SEMA5A: variants seen among roughly 807,000 people sequenced by gnomAD.
SEMA5A encodes semaphorin 5A.
Under a neutral mutation model 135.5 loss-of-function variants are expected in SEMA5A, and 55 were observed. That is an observed-to-expected ratio of 0.41 (90% CI 0.33 to 0.51). SEMA5A has a LOEUF of 0.51. Among genes scored for constraint, SEMA5A ranks in the 20% least tolerant of loss-of-function variants. The pLI, the probability that SEMA5A is intolerant of heterozygous loss-of-function variation, is 0.37. For missense variants in SEMA5A, 1,290 were observed against 1,419.9 expected (o/e 0.91, Z 1.47); for synonymous variants, 580 against 546.5 (o/e 1.06, Z -0.85).
intron 5 of SEMA5A, among the ~76,000 whole-genome samples, chr5:9,310,707 T>G (rs965228407): frequency 2.0e-5 from 3 of 151,176 alleles, no homozygotes; most frequent in Non-Finnish European, 4.4e-5. Flanking sequence ...ATTTTTAAAT[T>G]TAATTTCATA....
At chr5:9,349,110 A>G (rs1353806525) in intron 3 of SEMA5A, among the ~76,000 whole-genome samples, 2 of 152,232 alleles carry the variant, frequency 1.3e-5, no homozygotes, top group Non-Finnish European at 2.9e-5. Context: ...CTCAGGAGAC[A>G]AGACAGGGTC....
intron 5 of SEMA5A, among the ~76,000 whole-genome samples, chr5:9,242,741 T>A (rs558627129): frequency 1.3e-5 from 2 of 152,296 alleles, no homozygotes; most frequent in East Asian, 3.9e-4. Context: ...ACCACATACC[T>A]TCTCTACCCC....
At chr5:9,234,735 T>C (rs565287142) in intron 6 of SEMA5A, among the ~76,000 whole-genome samples, 352 of 152,310 alleles carry the variant, frequency 2.3e-3, no homozygotes, top group Non-Finnish European at 3.5e-3. Context: ...AGTCAATTAA[T>C]AATTACTAAG....
chr5:9,052,599 G>A (rs762399460), intron 19 of SEMA5A, among the ~76,000 whole-genome samples: 3 of 152,122 alleles, frequency 2.0e-5, no homozygotes, highest in Non-Finnish European at 4.4e-5. Context: ...GCCAAAGTCA[G>A]GTGACCCTTG....
intron 10 of SEMA5A, among the ~76,000 whole-genome samples, chr5:9,195,121 G>A (rs40687): frequency 0.77 from 117,646 of 152,166 alleles, 45,752 homozygotes; most frequent in African/African-American, 0.87. Context: ...AAAATGAGAC[G>A]AAATATGCAT....
intron 11 of SEMA5A, among the ~76,000 whole-genome samples, chr5:9,173,725 G>A (rs965634057): frequency 6.6e-6 from 1 of 152,160 alleles, no homozygotes; most frequent in South Asian, 2.1e-4. Context: ...TTGCAAGAGG[G>A]CTGGTTAATG....
At chr5:9,398,380 C>T (rs143941381) in intron 2 of SEMA5A, among the ~76,000 whole-genome samples, 1 of 152,316 alleles carries the variant, frequency 6.6e-6, no homozygotes, top group African/African-American at 2.4e-5. Context: ...TGAGAGTTTC[C>T]CCCACATATC....
At chr5:9,400,500 C>CTTTTTTTTTTTTTTTTTTT (rs1176889691) in intron 2 of SEMA5A, among the ~76,000 whole-genome samples, 1 of 85,414 alleles carries the variant, frequency 1.2e-5, no homozygotes, top group African/African-American at 4.8e-5. Context: ...ACACAATGTA[C>CTTTTTTTTTTTTTTTTTTT]ATTTTTTTTT....
intron 2 of SEMA5A, among the ~76,000 whole-genome samples, chr5:9,409,824 A>G (rs1374257878): frequency 6.7e-6 from 1 of 149,276 alleles, no homozygotes; most frequent in East Asian, 2.0e-4. Flanking sequence ...AGATACCCAA[A>G]TCAAAGTCTC....
chr5:9,308,034 T>C (rs567736579), intron 5 of SEMA5A, among the ~76,000 whole-genome samples: 4 of 152,330 alleles, frequency 2.6e-5, no homozygotes, highest in South Asian at 2.1e-4. Context: ...ATAAAGTATG[T>C]ACTTTTTTGT....
intron 3 of SEMA5A, among the ~76,000 whole-genome samples, chr5:9,356,340 G>C (rs560290883): frequency 2.6e-5 from 4 of 152,322 alleles, no homozygotes; most frequent in Admixed American, 2.6e-4. Flanking sequence ...ACACACACAA[G>C]TGAAGAGTGT....
At chr5:9,292,068 C>A (rs1751113217) in intron 5 of SEMA5A, among the ~76,000 whole-genome samples, 1 of 152,112 alleles carries the variant, frequency 6.6e-6, no homozygotes, top group Non-Finnish European at 1.5e-5. Flanking sequence ...CTCGAGGCTA[C>A]TTTTGGTCAA....
At chr5:9,267,381 G>C (rs1217927431) in intron 5 of SEMA5A, among the ~76,000 whole-genome samples, 1 of 152,122 alleles carries the variant, frequency 6.6e-6, no homozygotes. Context: ...CCTTGTGACA[G>C]TTCATTGAAT....
chr5:9,135,102 A>G (rs569552787), intron 13 of SEMA5A, among the ~76,000 whole-genome samples: 1 of 151,698 alleles, frequency 6.6e-6, no homozygotes, highest in South Asian at 2.1e-4. Flanking sequence ...CGGTGCCAAC[A>G]TTTGGGAAAT....
intron 16 of SEMA5A, among the ~76,000 whole-genome samples, chr5:9,094,517 G>T (rs531428235): frequency 7.2e-5 from 11 of 152,344 alleles, no homozygotes; most frequent in African/African-American, 2.6e-4. Flanking sequence ...CCCAGCAAAT[G>T]TCAGAGGCTC....
chr5:9,177,244 G>A (rs1233172350), intron 11 of SEMA5A, among the ~76,000 whole-genome samples: 1 of 152,186 alleles, frequency 6.6e-6, no homozygotes, highest in Non-Finnish European at 1.5e-5. Context: ...ATAGGCTGCT[G>A]AAGTCTCTTT....
chr5:9,397,434 A>G lies in SEMA5A; in HGVS notation c.-77-17411T>C, dbSNP rs76677355. On this transcript the variant is annotated intron_variant, in intron 2 of 22. Coordinates refer to ENST00000382496, the MANE Select transcript of SEMA5A (RefSeq NM_003966.3). ...CTAGCACCTTTCTCATATGGTTTGT[A>G]AGGATTTAATAATTTAATCAACGTA... Among the ~76,000 whole-genome samples the G allele has an allele frequency of 6.9e-3, 1,055 of 152,304 alleles. 18 individuals are homozygous for G. The highest frequency in any genetic ancestry group is 0.024 in the African/African-American group (1,009 of 41,550).
chr5:9,173,663 G>A (rs756597722), intron 11 of SEMA5A, among the ~76,000 whole-genome samples: 1 of 152,120 alleles, frequency 6.6e-6, no homozygotes, highest in Non-Finnish European at 1.5e-5. Flanking sequence ...CTCACATTGG[G>A]AATAAGGTTT....
chr5:9,275,669 C>G (rs1212246986), intron 5 of SEMA5A, among the ~76,000 whole-genome samples: 1 of 152,180 alleles, frequency 6.6e-6, no homozygotes, highest in African/African-American at 2.4e-5. Context: ...GGGATGCAGT[C>G]TGGTTCAACA....
Sources: allele counts gnomAD v4.1 joint callset (sites outside exome capture counted in the v4.1 genomes callset), GRCh38; gene constraint gnomAD v4.1.1; transcripts MANE v1.5; gene names NCBI Gene and HGNC (gene_info 2026-07-23, HGNC 2026-07-21).